CACNA1D: variants seen among roughly 807,000 people sequenced by gnomAD.
CACNA1D encodes the protein calcium voltage-gated channel subunit alpha1 D.
CACNA1D carries 55 observed loss-of-function variants against 257.1 expected under a neutral mutation model. The observed-to-expected ratio is 0.21, with a 90% CI of 0.17 to 0.27. The LOEUF is 0.27. Among genes scored for constraint, CACNA1D ranks in the 10% least tolerant of loss-of-function variants. The pLI, the probability that CACNA1D is intolerant of heterozygous loss-of-function variation, is 1.00. For missense variants in CACNA1D, 1,876 were observed against 2,784.0 expected (o/e 0.67, Z 7.34); for synonymous variants, 980 against 1,014.9 (o/e 0.97, Z 0.65).
In CACNA1D at chr3:53,579,868, C is replaced by T. The variant is rs548573344; in HGVS notation, c.484-70911C>T. ...GAAAGACTCAAGGTGAAGGCAGTGC[C>T]ATGCAGGCCCCGGATGCTGTGCTGA... On this transcript the variant is annotated intron_variant, in intron 3 of 47. Coordinates refer to ENST00000350061, the MANE Select transcript of CACNA1D (RefSeq NM_001128840.3). Among the ~76,000 whole-genome samples, 10 of 152,342 alleles carry T rather than the reference C, an allele frequency of 6.6e-5. No individual in the cohort carries two copies. In the South Asian group the frequency reaches 2.1e-3, roughly 32 times the overall value.
chr3:53,688,998 G>A (rs1421370948), intron 8 of CACNA1D, among the ~76,000 whole-genome samples: 1 of 152,118 alleles, frequency 6.6e-6, no homozygotes, highest in Admixed American at 6.5e-5. Context: ...AGAATTCCAG[G>A]GCCCAGTGTA....
chr3:53,779,271 C>T (rs1254072260), intron 37 of CACNA1D, among the ~76,000 whole-genome samples: 3 of 152,134 alleles, frequency 2.0e-5, no homozygotes, highest in Non-Finnish European at 4.4e-5. Flanking sequence ...ACATCATCTG[C>T]GTGTTAACAT....
At chr3:53,708,161 C>T (rs539927421) in intron 9 of CACNA1D, among the ~76,000 whole-genome samples, 7 of 152,296 alleles carry the variant, frequency 4.6e-5, no homozygotes, top group South Asian at 2.1e-4. Context: ...AAAACCAGGA[C>T]GTTATAGCTG....
intron 8 of CACNA1D, among the ~76,000 whole-genome samples, chr3:53,700,952 A>G (rs2108580520): frequency 6.9e-6 from 1 of 145,008 alleles, no homozygotes; most frequent in African/African-American, 2.6e-5. Flanking sequence ...GTGCAATCTC[A>G]GCCCGCCGCA....
At chr3:53,511,554 A>G (rs1432396074) in intron 3 of CACNA1D, among the ~76,000 whole-genome samples, 1 of 152,166 alleles carries the variant, frequency 6.6e-6, no homozygotes, top group Admixed American at 6.5e-5. Flanking sequence ...AATGCCGCGC[A>G]AGCAGATGGT....
chr3:53,556,056 G>C (rs1020562579), intron 3 of CACNA1D, among the ~76,000 whole-genome samples: 1 of 152,188 alleles, frequency 6.6e-6, no homozygotes, highest in African/African-American at 2.4e-5. Flanking sequence ...AGAATGTCAT[G>C]TAAATGGAAT....
At chr3:53,609,066 C>T (rs915197715) in intron 3 of CACNA1D, among the ~76,000 whole-genome samples, 2 of 152,076 alleles carry the variant, frequency 1.3e-5, no homozygotes, top group Non-Finnish European at 2.9e-5. Flanking sequence ...CAGAATTTAC[C>T]AGTGAAATGG....
intron 29 of CACNA1D, among the ~76,000 whole-genome samples, chr3:53,754,971 G>A (rs1263997115): frequency 6.6e-6 from 1 of 152,248 alleles, no homozygotes; most frequent in Non-Finnish European, 1.5e-5. Context: ...GGTGATTGCA[G>A]TGGGGTCAAA....
intron 3 of CACNA1D, among the ~76,000 whole-genome samples, chr3:53,563,868 A>G (rs953435684): frequency 6.6e-6 from 1 of 152,124 alleles, no homozygotes; most frequent in African/African-American, 2.4e-5. Flanking sequence ...ATTTTTCTTG[A>G]TACATATGTG....
At chr3:53,529,542 T>C (rs547226285) in intron 3 of CACNA1D, among the ~76,000 whole-genome samples, 2 of 152,326 alleles carry the variant, frequency 1.3e-5, no homozygotes, top group South Asian at 4.2e-4. Flanking sequence ...TGGTACCAGT[T>C]GCTCTGTCAT....
chr3:53,538,145 T>TG (rs2092173166), intron 3 of CACNA1D, among the ~76,000 whole-genome samples: 1 of 88,272 alleles, frequency 1.1e-5, no homozygotes, highest in African/African-American at 4.0e-5. Flanking sequence ...TTTGAAGTTT[T>TG]TTTTTTTTTT....
At chr3:53,657,429 C>A (rs1447219708) in intron 4 of CACNA1D, among the ~76,000 whole-genome samples, 3 of 152,160 alleles carry the variant, frequency 2.0e-5, no homozygotes, top group Non-Finnish European at 4.4e-5. Context: ...ACAAGAGAAT[C>A]ATTTAAAATG....
intron 9 of CACNA1D, among the ~76,000 whole-genome samples, chr3:53,709,606 C>T (rs1227682906): frequency 6.6e-6 from 1 of 152,208 alleles, no homozygotes; most frequent in Non-Finnish European, 1.5e-5. Context: ...GCTGCTGTCT[C>T]ACACTGCTTC....
intron 25 of CACNA1D, 149 bp from the exon 26 acceptor site, chr3:53,747,153 C>T (rs535990045): frequency 5.3e-5 from 39 of 730,128 alleles, no homozygotes; most frequent in South Asian, 9.0e-5. Flanking sequence ...AGAGGAGAAA[C>T]GGCGCCGGTG....
At chr3:53,620,264 G>A (rs904175250) in intron 3 of CACNA1D, among the ~76,000 whole-genome samples, 8 of 152,166 alleles carry the variant, frequency 5.3e-5, no homozygotes, top group African/African-American at 1.4e-4. Context: ...AATTTCTACC[G>A]TTAGAACCCA....
At chr3:53,599,653 G>A (rs1162230131) in intron 3 of CACNA1D, among the ~76,000 whole-genome samples, 1 of 152,144 alleles carries the variant, frequency 6.6e-6, no homozygotes, top group Non-Finnish European at 1.5e-5. Context: ...TAAACTCACT[G>A]TGAGCATTAA....
chr3:53,596,745 A>G (rs2093375921), intron 3 of CACNA1D, among the ~76,000 whole-genome samples: 1 of 152,234 alleles, frequency 6.6e-6, no homozygotes, highest in Admixed American at 6.5e-5. Context: ...AGTCCTGCTG[A>G]CATCCTAATT....
chr3:53,775,314 C>G (rs542600640), intron 34 of CACNA1D, among the ~76,000 whole-genome samples: 1 of 152,150 alleles, frequency 6.6e-6, no homozygotes, highest in South Asian at 2.1e-4. Context: ...CAGTGGCTCA[C>G]GCCTGTAATC....
At chr3:53,505,398 C>G (rs555482926) in intron 3 of CACNA1D, among the ~76,000 whole-genome samples, 1 of 152,136 alleles carries the variant, frequency 6.6e-6, no homozygotes, top group Non-Finnish European at 1.5e-5. Flanking sequence ...CTTGAGCCAC[C>G]GCGCCTGGCC....
Sources: gnomAD v4.1 joint callset for allele counts (sites outside exome capture counted in the v4.1 genomes callset) on GRCh38, gnomAD v4.1.1 for gene constraint, MANE v1.5 for transcripts, NCBI Gene and HGNC (gene_info 2026-07-23, HGNC 2026-07-21) for gene names.